The following TXNL4A variants were observed in gnomAD, a reference collection of about 807,000 sequenced individuals.
TXNL4A encodes the protein thioredoxin like 4A.
In TXNL4A, 17 loss-of-function variants were observed where a neutral mutation model predicts 14.6. The ratio of observed to expected loss-of-function variants is 1.16; its 90% CI spans 0.80 to 1.74. The LOEUF (loss-of-function observed/expected upper bound fraction) is 1.74. Ranked by LOEUF, TXNL4A falls within the 40% of genes most tolerant of loss-of-function variation. The probability of loss-of-function intolerance (pLI) is 0.00; values close to 1 mark genes in which losing one functional copy is unlikely to be tolerated. For synonymous variants in TXNL4A, 83 were observed against 70.6 expected (o/e 1.18, Z -0.88); for missense variants, 74 against 195.2 (o/e 0.38, Z 3.70).
At chr18:79,997,064 C>T (rs181238830) in intron 1 of TXNL4A, among the ~76,000 whole-genome samples, 59 of 152,258 alleles carry the variant, frequency 3.9e-4, no homozygotes, top group Middle Eastern at 3.4e-3. Flanking sequence ...GAAGAGAGAA[C>T]ATTGGAATAA....
chr18:79,988,258 C>G lies in TXNL4A; in HGVS notation c.135G>C (p.Leu45=), dbSNP rs2051586834. 1.9e-6 allele frequency: 3 copies of G among 1,598,174 alleles called. No homozygotes were observed. The highest frequency in any genetic ancestry group is 1.7e-5 in the Admixed American group (1 of 59,506). The change falls in exon 1 of 3, where the codon CTG becomes CTC. Residue 45 remains leucine (L), a synonymous_variant. Coordinates refer to ENST00000269601, the MANE Select transcript of TXNL4A (RefSeq NM_006701.5). ...GCGCTACCTTCTCGGCGATGCTGTA[C>G]AGGACCTCGTCCATCTTCATGCACG... is the stretch of plus-strand genomic sequence containing the variant. ...DPTCMKMDEV[L]YSIAEKVKNF...
chr18:79,988,180 C>T (rs2051584302), intron 1 of TXNL4A, 60 bp downstream of exon 1: 1 of 1,396,074 alleles, frequency 7.2e-7, no homozygotes. Context: ...GCCGGCAGGG[C>T]AGAGGCGCGG....
At chr18:79,975,467 T>C (rs1376162947) in intron 2 of TXNL4A, among the ~76,000 whole-genome samples, 1 of 152,266 alleles carries the variant, frequency 6.6e-6, no homozygotes, top group African/African-American at 2.4e-5. Context: ...CACCCAAGGC[T>C]GTTGCCTGCA....
intron 1 of TXNL4A, among the ~76,000 whole-genome samples, chr18:80,026,586 G>A (rs2051886147): frequency 6.6e-6 from 1 of 152,126 alleles, no homozygotes; most frequent in East Asian, 1.9e-4. Context: ...AGCTTATTTA[G>A]AAACCCCATT....
At chr18:79,979,632 C>T (rs1166907828) in intron 1 of TXNL4A, 1 of 152,772 alleles carries the variant, frequency 6.5e-6, no homozygotes, top group Admixed American at 6.5e-5. Context: ...TCCTGTACAG[C>T]CTGCAGAACT....
At chr18:80,019,974 C>G (rs1350888330) in intron 1 of TXNL4A, among the ~76,000 whole-genome samples, 2 of 152,072 alleles carry the variant, frequency 1.3e-5, no homozygotes, top group Admixed American at 6.5e-5. Context: ...TGTCCCCACC[C>G]AAATCTCATC....
At chr18:80,008,350 A>C (rs2145112313) in intron 1 of TXNL4A, among the ~76,000 whole-genome samples, 2 of 152,254 alleles carry the variant, frequency 1.3e-5, no homozygotes, top group East Asian at 3.9e-4. Flanking sequence ...CATCTGAGAA[A>C]AGTGAGTCTG....
In TXNL4A at chr18:80,000,427, G is replaced by A. The variant is rs186672931; in HGVS notation, c.-60-22726C>T. Among the ~76,000 whole-genome samples the A allele has an allele frequency of 1.7e-3, 255 of 152,330 alleles. 1 individual carries two copies. The highest frequency in any genetic ancestry group is 3.0e-3 in the Non-Finnish European group (201 of 68,036). On this transcript the variant is annotated intron_variant, in intron 1 of 2. Coordinates refer to the TXNL4A transcript ENST00000585474. ...TAGACATCTGTGAAACTTTGAACTT[G>A]AGGGAGATGATTTAGGTATCTGGCA...
chr18:79,986,909 C>A (rs868512723), intron 1 of TXNL4A, among the ~76,000 whole-genome samples: 1 of 152,238 alleles, frequency 6.6e-6, no homozygotes, highest in African/African-American at 2.4e-5. Context: ...TGATGTGTGG[C>A]ACTGCCTCTC....
At chr18:79,990,655 G>C (rs2145094248), upstream of TXNL4A, among the ~76,000 whole-genome samples, 1 of 152,276 alleles carries the variant, frequency 6.6e-6, no homozygotes, top group East Asian at 1.9e-4. Flanking sequence ...TCCAAGCTAA[G>C]GCATAAGACT....
At chr18:79,987,675 T>C (rs906397095) in intron 1 of TXNL4A, among the ~76,000 whole-genome samples, 7 of 152,160 alleles carry the variant, frequency 4.6e-5, no homozygotes, top group African/African-American at 1.7e-4. Flanking sequence ...ATATTAGAAA[T>C]TCAGAGAACT....
intron 1 of TXNL4A, among the ~76,000 whole-genome samples, chr18:80,017,989 G>A (rs1482491904): frequency 6.6e-6 from 1 of 151,216 alleles, no homozygotes; most frequent in Non-Finnish European, 1.5e-5. Context: ...AATCCATCTG[G>A]TCCTGGACTC....
At position 79,982,738 on chromosome 18, in the gene TXNL4A, GT is replaced by G. The variant is rs1235213129; in HGVS notation, c.154-5038del. On this transcript the variant is annotated intron_variant, in intron 1 of 2. Transcript: ENST00000269601. This position sits in a 1 kb window ranked among gnomAD's most constrained non-coding sequence, Gnocchi z 4.0. Reference sequence around the variant, plus strand: ...GCTATGGAGAGAGAGGGAAGTTACTGTGGGACTTGGGAGTTCAGATAGGAGA... The same window carrying G: ...GCTATGGAGAGAGAGGGAAGTTACTGGGGACTTGGGAGTTCAGATAGGAGA... Among the ~76,000 whole-genome samples, 6 of 152,160 alleles carry G rather than the reference GT, an allele frequency of 3.9e-5. No homozygotes were observed. Among genetic ancestry groups the G allele is most frequent in the Admixed American group, 3.9e-4 (6 of 15,284 alleles).
chr18:79,972,290 G>A lies in TXNL4A; in HGVS notation c.*1395C>T, dbSNP rs1340017818. ...CTGCCCAAGGTCACTTGGTGGGGCA[G>A]AGCCTGGGTCTGAGGTCAGAGGGCC... On this transcript the variant is annotated 3_prime_UTR_variant, in exon 3 of 3. Transcript: ENST00000269601. 6.6e-6 allele frequency: 1 copy of A among 152,302 alleles called. No individual in the cohort carries two copies. The highest frequency in any genetic ancestry group is 2.4e-5 in the African/African-American group (1 of 41,454). The allele number at this position is 152,302 out of a possible 1,614,324, so 9.4% of individuals were successfully genotyped here. A position where few individuals can be genotyped will look rare whatever the true frequency, so the allele number is the denominator to read the frequency against.
chr18:80,025,450 G>A (rs142346468), intron 1 of TXNL4A, among the ~76,000 whole-genome samples: 2 of 152,110 alleles, frequency 1.3e-5, no homozygotes, highest in African/African-American at 2.4e-5. Flanking sequence ...GGCAGGAATC[G>A]GACTTCAAAG....
At chr18:80,007,489 G>A (rs117492540) in intron 1 of TXNL4A, among the ~76,000 whole-genome samples, 4,531 of 152,256 alleles carry the variant, frequency 0.03, 125 homozygotes, top group African/African-American at 0.066. Flanking sequence ...GGGTAACATC[G>A]GGTTCTAAGT....
At chr18:79,988,737 G>A (rs891060851), upstream of TXNL4A, 8 of 175,854 alleles carry the variant, frequency 4.5e-5, no homozygotes, top group East Asian at 1.1e-3. Flanking sequence ...CTGTCGGAGT[G>A]GGGGTTCCTC....
rs144070928 is a variant in TXNL4A at position 79,985,976 on chromosome 18, A to G, written c.153+2264T>C. On this transcript the variant is annotated intron_variant, in intron 1 of 2. Transcript: ENST00000269601. ...AAAGGGCTTCCAGAATTAGGAAGTC[A>G]TATTTGCCCATAGACTAAGAAGAAA... The G allele has an allele frequency of 1.2e-3, 184 of 152,336 alleles. 1 individual carries two copies. Among genetic ancestry groups the G allele is most frequent in the African/African-American group, 4.2e-3 (174 of 41,578 alleles). The allele number at this position is 152,336 out of a possible 1,614,324, so 9.4% of individuals were successfully genotyped here.
intron 1 of TXNL4A, among the ~76,000 whole-genome samples, chr18:80,033,635 G>A (rs1316497910): frequency 6.6e-6 from 1 of 152,244 alleles, no homozygotes; most frequent in Admixed American, 6.5e-5. Context: ...TCGTTGCTTT[G>A]TGCGGCGCAC....
Sources: gnomAD v4.1 joint callset for allele counts (sites outside exome capture counted in the v4.1 genomes callset) on GRCh38, gnomAD v4.1.1 for gene constraint, Gnocchi (gnomAD v3.1) non-coding constraint, MANE v1.5 for transcripts, NCBI Gene and HGNC (gene_info 2026-07-23, HGNC 2026-07-21) for gene names.